PHACTR1: variants seen among roughly 807,000 people sequenced by gnomAD.
The protein encoded by PHACTR1 is RPEL repeat containing 1.
PHACTR1 carries 16 observed loss-of-function variants against 69.2 expected under a neutral mutation model. That is an observed-to-expected ratio of 0.23 (90% CI 0.16 to 0.35). The LOEUF is 0.35. Among genes scored for constraint, PHACTR1 ranks in the 10% least tolerant of loss-of-function variants. The probability of loss-of-function intolerance (pLI) is 1.00; values close to 1 mark genes in which losing one functional copy is unlikely to be tolerated. For synonymous variants in PHACTR1, 312 were observed against 284.5 expected (o/e 1.10, Z -0.97); for missense variants, 510 against 734.7 (o/e 0.69, Z 3.54).
intron 4 of PHACTR1, among the ~76,000 whole-genome samples, chr6:12,906,528 G>A (rs1474695018): frequency 6.6e-6 from 1 of 152,142 alleles, no homozygotes; most frequent in Non-Finnish European, 1.5e-5. Flanking sequence ...AAATCAGTCA[G>A]TATTCTCTCC....
intron 4 of PHACTR1, among the ~76,000 whole-genome samples, chr6:12,940,887 C>T (rs570689222): frequency 6.6e-6 from 1 of 152,154 alleles, no homozygotes; most frequent in African/African-American, 2.4e-5. Context: ...AAAATCGGGA[C>T]AGACAGAAAT....
At chr6:13,102,150 G>A (rs992332799) in intron 5 of PHACTR1, among the ~76,000 whole-genome samples, 1 of 152,170 alleles carries the variant, frequency 6.6e-6, no homozygotes, top group Non-Finnish European at 1.5e-5. Flanking sequence ...ACTTTTCTTT[G>A]TTTTCCCAGA....
intron 4 of PHACTR1, among the ~76,000 whole-genome samples, chr6:12,869,074 C>T (rs1364616882): frequency 6.6e-6 from 1 of 152,150 alleles, no homozygotes; most frequent in African/African-American, 2.4e-5. Flanking sequence ...CCCCTTTCTA[C>T]TGCCACCCAC....
Position 12,969,471 on chromosome 6 carries a change from G to A in PHACTR1, c.251-83894G>A, listed in dbSNP as rs542221491. The stretch of plus-strand genomic sequence containing the variant: ...CGAGGGTATTCCTAGGCCTGATATG[G>A]TGACTCATGCTTGTAATCCCAGCAT... On this transcript the variant is annotated intron_variant, in intron 4 of 14. Transcript: ENST00000332995. 1.5e-4 allele frequency among the ~76,000 whole-genome samples: 23 copies of A among 152,262 alleles called. No homozygotes were observed. The Middle Eastern group carries it at 0.01, about 68-fold the overall frequency.
intron 4 of PHACTR1, among the ~76,000 whole-genome samples, chr6:12,861,459 A>G (rs1780932596): frequency 6.6e-6 from 1 of 152,234 alleles, no homozygotes; most frequent in Non-Finnish European, 1.5e-5. Flanking sequence ...CATTTTAGCC[A>G]TGTGTTGTAA....
intron 4 of PHACTR1, among the ~76,000 whole-genome samples, chr6:12,830,133 GAAAGA>G: frequency 1.4e-5 from 2 of 143,464 alleles, no homozygotes; most frequent in African/African-American, 5.0e-5. Context: ...AAGAAAGAAA[GAAAGA>G]AAGAAAGAAA....
intron 5 of PHACTR1, among the ~76,000 whole-genome samples, chr6:13,141,983 C>G (rs1244142162): frequency 6.6e-6 from 1 of 151,902 alleles, no homozygotes; most frequent in Non-Finnish European, 1.5e-5. Context: ...AAACCCAGAC[C>G]CTGCTTCTGG....
chr6:13,147,249 C>T (rs953700435), intron 5 of PHACTR1, among the ~76,000 whole-genome samples: 14 of 152,256 alleles, frequency 9.2e-5, no homozygotes, highest in Non-Finnish European at 5.9e-5. Context: ...TTATTCTGTT[C>T]GAATTTGATT....
At chr6:12,779,792 T>C (rs1241754270) in intron 4 of PHACTR1, among the ~76,000 whole-genome samples, 1 of 152,224 alleles carries the variant, frequency 6.6e-6, no homozygotes, top group Non-Finnish European at 1.5e-5. Flanking sequence ...GATGCAGCTA[T>C]ATATACTTAC....
At chr6:13,278,045 G>A in intron 11 of PHACTR1, 2 of 373,684 alleles carry the variant, frequency 5.4e-6, no homozygotes, top group South Asian at 8.8e-5. Flanking sequence ...TGTAAAGAAG[G>A]CAAAATGACA....
chr6:12,802,002 C>T (rs945495650), intron 4 of PHACTR1, among the ~76,000 whole-genome samples: 1 of 151,626 alleles, frequency 6.6e-6, no homozygotes, highest in African/African-American at 2.4e-5. Context: ...TAGAAAATTG[C>T]ATAGGTTTGG....
chr6:12,731,222 GC>G (rs1334847148), intron 3 of PHACTR1, among the ~76,000 whole-genome samples: 5 of 151,908 alleles, frequency 3.3e-5, no homozygotes, highest in Non-Finnish European at 7.4e-5. Context: ...CACCATGTTG[GC>G]CAGGCTGGTC....
chr6:12,916,911 G>A (rs1422383325), intron 4 of PHACTR1, among the ~76,000 whole-genome samples: 1 of 152,140 alleles, frequency 6.6e-6, no homozygotes, highest in African/African-American at 2.4e-5. Context: ...AATTGTCAAA[G>A]TGATGAATGA....
intron 4 of PHACTR1, among the ~76,000 whole-genome samples, chr6:12,891,874 C>T (rs1311768861): frequency 6.6e-6 from 1 of 152,200 alleles, no homozygotes; most frequent in South Asian, 2.1e-4. Context: ...TTTAAACGCC[C>T]AAGCTCCAGT....
chr6:13,169,999 G>A (rs1760358728), intron 6 of PHACTR1, among the ~76,000 whole-genome samples: 1 of 152,202 alleles, frequency 6.6e-6, no homozygotes. Flanking sequence ...TTGTAGGGCA[G>A]CTCCAGGGCT....
intron 5 of PHACTR1, among the ~76,000 whole-genome samples, chr6:13,153,528 A>G (rs1757753340): frequency 6.6e-6 from 1 of 152,236 alleles, no homozygotes; most frequent in East Asian, 1.9e-4. Context: ...CAGGCTTCTC[A>G]TATGTTGGTT....
Position 13,182,619 on chromosome 6 carries a change from A to G in PHACTR1, c.597A>G (p.Pro199=), listed in dbSNP as rs781326499. The G allele has an allele frequency of 1.1e-5, 17 of 1,611,672 alleles. No homozygotes were observed. The highest frequency in any genetic ancestry group is 1.2e-5 in the Non-Finnish European group (14 of 1,178,850). ...TGCCTGCCCTGTCCGAAATGGAGCCAGTCCCAATGCCCAGGGATCCCTGCT... is the reference window on the plus strand; with the variant it reads ...TGCCTGCCCTGTCCGAAATGGAGCCGGTCCCAATGCCCAGGGATCCCTGCT... ...LSLPALSEME[P]VPMPRDPCSY... is the part of the protein sequence containing the mutation. Residue 199 remains proline (P), a synonymous_variant, in exon 7 of 15, where the codon CCA becomes CCG. Transcript: ENST00000332995.
At chr6:12,921,001 G>A (rs950622460) in intron 4 of PHACTR1, among the ~76,000 whole-genome samples, 6 of 152,204 alleles carry the variant, frequency 3.9e-5, no homozygotes, top group African/African-American at 1.4e-4. Context: ...CTTGATACAT[G>A]AAGTTTAGAC....
At chr6:12,984,117 A>G (rs1795845489) in intron 4 of PHACTR1, among the ~76,000 whole-genome samples, 4 of 152,322 alleles carry the variant, frequency 2.6e-5, no homozygotes, top group Admixed American at 2.6e-4. Flanking sequence ...TTGAGGAATC[A>G]CCACACTGTC....
Sources: allele counts gnomAD v4.1 joint callset (sites outside exome capture counted in the v4.1 genomes callset), GRCh38; gene constraint gnomAD v4.1.1; transcripts MANE v1.5; gene names NCBI Gene and HGNC (gene_info 2026-07-23, HGNC 2026-07-21).